SUN2: variants seen among roughly 807,000 people sequenced by gnomAD.
SUN2 encodes the protein SUN domain-containing protein 2.
A neutral mutation model predicts 100.0 loss-of-function variants in SUN2; 60 were observed. The ratio of observed to expected loss-of-function variants is 0.60; its 90% CI spans 0.49 to 0.74. The LOEUF is 0.74. Among genes scored for constraint, SUN2 ranks in the 30% least tolerant of loss-of-function variants. The pLI, the probability that SUN2 is intolerant of heterozygous loss-of-function variation, is 0.00. For synonymous variants in SUN2, 367 were observed against 403.3 expected, an observed-to-expected ratio of 0.91 and a Z score of 1.08; for missense variants, 834 against 954.6, an observed-to-expected ratio of 0.87 and a Z score of 1.66.
In SUN2 at chr22:38,755,483, A is replaced by G. The variant is rs1450004552; in HGVS notation, c.-38+280T>C. 2 of 987,802 alleles carry G rather than the reference A, an allele frequency of 2.0e-6. No homozygotes were observed. Among genetic ancestry groups the G allele is most frequent in the Non-Finnish European group, 2.4e-6 (2 of 831,244 alleles). 61.2% of individuals were successfully genotyped at this position (987,802 alleles called of 1,614,324 possible). A position where few individuals can be genotyped will look rare whatever the true frequency, so the allele number is the denominator to read the frequency against. Reference sequence around the variant, plus strand: ...GCGCTGCCCGGGGCCGGGTTGGGGCAGTCGGCCTTTGCCCTCCTCCTCCCG... The same window carrying G: ...GCGCTGCCCGGGGCCGGGTTGGGGCGGTCGGCCTTTGCCCTCCTCCTCCCG... On this transcript the variant is annotated intron_variant, in intron 1 of 17. Transcript: ENST00000689035. This position sits in a 1 kb window ranked among gnomAD's most constrained non-coding sequence, Gnocchi z 5.7.
At chr22:38,753,457 C>G (rs1237617389) in intron 1 of SUN2, among the ~76,000 whole-genome samples, 1 of 152,102 alleles carries the variant, frequency 6.6e-6, no homozygotes, top group Non-Finnish European at 1.5e-5. Flanking sequence ...CTCAGGTGAT[C>G]TGTCCACCTC....
Position 38,755,981 on chromosome 22 carries a change from GC to G in SUN2, c.-257del. 1 of 984,256 alleles carries G rather than the reference GC, an allele frequency of 1.0e-6. No homozygotes were observed. Among genetic ancestry groups the G allele is most frequent in the Non-Finnish European group, 1.2e-6 (1 of 829,480 alleles). The allele number at this position is 984,256 out of a possible 1,614,324, so 61.0% of individuals were successfully genotyped here. A position where few individuals can be genotyped will look rare whatever the true frequency, so the allele number is the denominator to read the frequency against. On this transcript the variant is annotated 5_prime_UTR_variant, in exon 1 of 18. Coordinates refer to ENST00000689035, the MANE Select transcript of SUN2 (RefSeq NM_015374.3). This position sits in a 1 kb window ranked among gnomAD's most constrained non-coding sequence, Gnocchi z 5.7. The stretch of plus-strand genomic sequence containing the variant: ...CGGAGGCCCGCGCTGCGCGAGTGGG[GC>G]CGGGCGGCGCGCGTGTGGCCGACTC...
chr22:38,742,450 G>T lies in SUN2; in HGVS notation c.919C>A (p.Arg307Ser). Residue 307 changes from arginine (R) to serine (S), a missense_variant, in exon 9 of 18, where the codon CGT (arginine) becomes AGT (serine). Physicochemically the swap from Arg to Ser is moderately radical, Grantham distance 110. Coordinates refer to ENST00000689035, the MANE Select transcript of SUN2 (RefSeq NM_015374.3). ...GGAGCCCCTTGCCGCAGCTCCAGAC[G>T]TTCCAGCCGCATGGCCTCCTTCTGC... is the stretch of plus-strand genomic sequence containing the variant. ...NWQKEAMRLE[R>S]LELRQGAPGQ... 1 of 1,613,604 alleles carries T rather than the reference G, an allele frequency of 6.2e-7. No homozygotes were observed. The highest frequency in any genetic ancestry group is 1.1e-5 in the South Asian group (1 of 91,088).
chr22:38,753,370 C>T (rs574994689), intron 1 of SUN2, among the ~76,000 whole-genome samples: 10 of 151,926 alleles, frequency 6.6e-5, no homozygotes, highest in South Asian at 2.1e-4. Flanking sequence ...TGTGCGCCAC[C>T]GGGACTGGCT....
At position 38,753,599 on chromosome 22, in the gene SUN2, C is replaced by T. The variant is rs986420653; in HGVS notation, c.-37-934G>A. 6.6e-5 allele frequency among the ~76,000 whole-genome samples: 10 copies of T among 152,270 alleles called. No individual in the cohort carries two copies. In the South Asian group the frequency reaches 1.7e-3, roughly 25 times the overall value. ...CAGGCTCCCACCTACGTCCTGATGGCGCTTGCACTGTCTGTCCCCACGGTG... is the reference window on the plus strand; with the variant it reads ...CAGGCTCCCACCTACGTCCTGATGGTGCTTGCACTGTCTGTCCCCACGGTG... On this transcript the variant is annotated intron_variant, in intron 1 of 17. Coordinates refer to ENST00000689035, the MANE Select transcript of SUN2 (RefSeq NM_015374.3).
chr22:38,738,843 C>T lies in SUN2; in HGVS notation c.1779+30G>A, dbSNP rs758834174. The T allele has an allele frequency of 1.0e-5, 16 of 1,594,578 alleles. No individual in the cohort carries two copies. The South Asian group carries it at 1.1e-4, about 11-fold the overall frequency. On this transcript the variant is annotated intron_variant, in intron 15 of 17. Coordinates refer to ENST00000689035, the MANE Select transcript of SUN2 (RefSeq NM_015374.3). The surrounding 1 kb of genome is among the most constrained non-coding windows in gnomAD (Gnocchi z 6.6). Reference sequence around the variant, plus strand: ...GGACCAGCCCTCAGTGTGCTCAGAGCCCCCGCTGCTGTGCTTGCCAGGTGC... The same window carrying T: ...GGACCAGCCCTCAGTGTGCTCAGAGTCCCCGCTGCTGTGCTTGCCAGGTGC...
rs367950381 is a variant in SUN2, at chr22:38,755,272, C to T, written c.-38+491G>A. The T allele has an allele frequency of 1.8e-6, 2 of 1,132,156 alleles. No homozygotes were observed. Among genetic ancestry groups the T allele is most frequent in the Non-Finnish European group, 1.1e-6 (1 of 914,106 alleles). 70.1% of individuals were successfully genotyped at this position (1,132,156 alleles called of 1,614,324 possible). Reference sequence around the variant, plus strand: ...CTGCCCTCATTCCCACAGGCCAAACCTGCAGAAATTGTCACCAAAGGCGCG... The same window carrying T: ...CTGCCCTCATTCCCACAGGCCAAACTTGCAGAAATTGTCACCAAAGGCGCG... On this transcript the variant is annotated intron_variant, in intron 1 of 17. Coordinates refer to ENST00000689035, the MANE Select transcript of SUN2 (RefSeq NM_015374.3). The surrounding 1 kb of genome is among the most constrained non-coding windows in gnomAD (Gnocchi z 5.7).
At chr22:38,753,476 A>G (rs1286077861) in intron 1 of SUN2, among the ~76,000 whole-genome samples, 1 of 152,094 alleles carries the variant, frequency 6.6e-6, no homozygotes, top group African/African-American at 2.4e-5. Context: ...TCGGCTTCCC[A>G]AAGTGCTGGG....
rs1016241550 is a variant in SUN2 at position 38,740,530 on chromosome 22, G to A, written c.1191-98C>T. 4.0e-5 allele frequency: 52 copies of A among 1,313,982 alleles called. No individual in the cohort carries two copies. The highest frequency in any genetic ancestry group is 5.0e-5 in the Non-Finnish European group (50 of 993,452). 81.4% of individuals were successfully genotyped at this position (1,313,982 alleles called of 1,614,324 possible). A position where few individuals can be genotyped will look rare whatever the true frequency, so the allele number is the denominator to read the frequency against. On this transcript the variant is annotated intron_variant, in intron 11 of 17. Transcript: ENST00000689035. This position sits in a 1 kb window ranked among gnomAD's most constrained non-coding sequence, Gnocchi z 4.8. Reference sequence around the variant, plus strand: ...GGACCCCCTAGTGGGCTCCCGTCAGGAGAGCGGGTGCCCAGCACTCATTGT... The same window carrying A: ...GGACCCCCTAGTGGGCTCCCGTCAGAAGAGCGGGTGCCCAGCACTCATTGT...
At chr22:38,754,951 C>G (rs2092974574) in intron 1 of SUN2, 3 of 1,289,248 alleles carry the variant, frequency 2.3e-6, no homozygotes, top group Non-Finnish European at 3.0e-6. Context: ...TTCTCCAAAA[C>G]AAGAAGTGAG....
rs2092930540 is a variant in SUN2 at position 38,749,816 on chromosome 22, C to G, written c.564G>C (p.Trp188Cys). The change falls in exon 6 of 18, where the codon TGG (tryptophan) becomes TGC (cysteine). Residue 188 changes from tryptophan (W) to cysteine (C), a missense_variant. Trp to Cys is a radical substitution (Grantham distance 215). Transcript: ENST00000689035. ...GGGAGGCAGCTGTGGTCAGGCGGTA[C>G]CAGGTGGTGCCAGCCCACCAGTAGA... ...RLLYWWAGTT[W>C]YRLTTAASLL... The G allele has an allele frequency of 6.2e-7, 1 of 1,614,024 alleles. No individual in the cohort carries two copies.
chr22:38,750,971 C>G lies in SUN2; in HGVS notation c.351G>C (p.Gly117=), dbSNP rs1305439609. ...CCTCGGTGGCCTTGCGCCCCACAAG[C>G]CCGCTGGCCCTGCTGCTCTCTGAGC... The part of the protein sequence containing the change: ...TGGSESSRAS[G]LVGRKATEDF... The change falls in exon 4 of 18, where the codon GGG becomes GGC. Residue 117 remains glycine, a synonymous_variant. Coordinates refer to ENST00000689035, the MANE Select transcript of SUN2 (RefSeq NM_015374.3). The G allele has an allele frequency of 1.2e-6, 2 of 1,613,930 alleles. No homozygotes were observed. The highest frequency in any genetic ancestry group is 2.2e-5 in the East Asian group (1 of 44,884).
At chr22:38,736,452 G>A in intron 17 of SUN2, 72 bp from the exon 18 acceptor site, 2 of 1,324,786 alleles carry the variant, frequency 1.5e-6, no homozygotes, top group South Asian at 2.8e-5. Flanking sequence ...GGTGGGAAGG[G>A]GAGACAGCCT....
At chr22:38,741,684 C>A in intron 9 of SUN2, 113 bp from the exon 10 acceptor site, 1 of 986,510 alleles carries the variant, frequency 1.0e-6, no homozygotes, top group Non-Finnish European at 1.6e-6. Flanking sequence ...TTCCAGAGCC[C>A]TGGCTCTCAG....
intron 7 of SUN2, among the ~76,000 whole-genome samples, chr22:38,747,428 C>T (rs911879973): frequency 6.6e-6 from 1 of 151,702 alleles, no homozygotes; most frequent in Admixed American, 6.6e-5. Context: ...GCAGCAAACA[C>T]AAAAACGAAG....
In SUN2 at chr22:38,742,442, C is replaced by T; in HGVS notation, c.927G>A (p.Glu309=). The change falls in exon 9 of 18, where the codon GAG becomes GAA. Residue 309 remains glutamate, a synonymous_variant. Transcript: ENST00000689035. ...QKEAMRLERL[E]LRQGAPGQGG... The stretch of plus-strand genomic sequence containing the variant: ...CCTGGCCAGGAGCCCCTTGCCGCAG[C>T]TCCAGACGTTCCAGCCGCATGGCCT... 2 of 1,613,624 alleles carry T rather than the reference C, an allele frequency of 1.2e-6. No homozygotes were observed. The highest frequency in any genetic ancestry group is 1.7e-6 in the Non-Finnish European group (2 of 1,180,024).
At chr22:38,752,475 T>C (rs1354966359) in intron 2 of SUN2, 32 bp downstream of exon 2, 13 of 1,585,650 alleles carry the variant, frequency 8.2e-6, no homozygotes, top group Non-Finnish European at 1.1e-5. Context: ...TGTGGGGCTG[T>C]CAGGGGCCGT....
rs767066982 is a variant in SUN2 at position 38,739,341 on chromosome 22, C to A, written c.1663+1G>T. ...CAGAGCGAGGAAAGCAGAGCACGTA[C>A]CTCCTGACTCCAGGGCGTAGTCTGC... On this transcript the variant is annotated splice_donor_variant, in intron 14 of 17. Transcript: ENST00000689035. LOFTEE classifies it high-confidence loss of function. The surrounding 1 kb of genome is among the most constrained non-coding windows in gnomAD (Gnocchi z 6.7). The A allele has an allele frequency of 6.2e-7, 1 of 1,613,030 alleles. No homozygotes were observed. Among genetic ancestry groups the A allele is most frequent in the Non-Finnish European group, 8.5e-7 (1 of 1,180,006 alleles).
intron 1 of SUN2, among the ~76,000 whole-genome samples, chr22:38,754,225 CTCAA>C: frequency 6.6e-6 from 1 of 152,344 alleles, no homozygotes; most frequent in Admixed American, 6.5e-5. Flanking sequence ...CATGGGGAGT[CTCAA>C]CGTTAGTGCC....
Sources: gnomAD v4.1 joint callset for allele counts (sites outside exome capture counted in the v4.1 genomes callset) on GRCh38, gnomAD v4.1.1 for gene constraint, Gnocchi (gnomAD v3.1) non-coding constraint, MANE v1.5 for transcripts, NCBI Gene and HGNC (gene_info 2026-07-23, HGNC 2026-07-21) for gene names.